SYCE2: variants seen among roughly 807,000 people sequenced by gnomAD.
SYCE2 encodes central element synaptonemal complex 1.
A neutral mutation model predicts 27.9 loss-of-function variants in SYCE2; 3 were observed. That is an observed-to-expected ratio of 0.11 (90% confidence interval 0.05 to 0.28). SYCE2 has a LOEUF of 0.28. SYCE2 is among the 10% of genes least tolerant of loss of function. The pLI, the probability that SYCE2 is intolerant of heterozygous loss-of-function variation, is 1.00. For synonymous variants in SYCE2, 85 were observed against 100.7 expected, an observed-to-expected ratio of 0.84 and a Z score of 0.93; for missense variants, 207 against 263.5, an observed-to-expected ratio of 0.79 and a Z score of 1.48.
intron 2 of SYCE2, among the ~76,000 whole-genome samples, chr19:12,910,375 TCTCA>T (rs1051048607): frequency 3.3e-5 from 5 of 152,034 alleles, no homozygotes; most frequent in East Asian, 1.9e-4. Flanking sequence ...TGAGACAGAC[TCTCA>T]CTCGGTCGCT....
chr19:12,905,354 C>T lies in SYCE2; in HGVS notation c.132-688G>A, dbSNP rs183443076. Among the ~76,000 whole-genome samples the T allele has an allele frequency of 4.6e-5, 7 of 151,590 alleles. No homozygotes were observed. In the South Asian group the frequency reaches 8.3e-4, roughly 18 times the overall value. On this transcript the variant is annotated intron_variant, in intron 2 of 5. Coordinates refer to ENST00000293695, the MANE Select transcript of SYCE2 (RefSeq NM_001105578.2). The stretch of plus-strand genomic sequence containing the variant: ...TGCTTTCTTTCTTTTTTTTTTGAGA[C>T]GGAGTCTCACTCTGTCGCCCAGGCT...
intron 2 of SYCE2, among the ~76,000 whole-genome samples, chr19:12,907,346 A>T (rs1251325988): frequency 6.6e-6 from 1 of 152,138 alleles, no homozygotes; most frequent in Non-Finnish European, 1.5e-5. Flanking sequence ...TAAGGCACTC[A>T]GGCGCCACTC....
intron 2 of SYCE2, among the ~76,000 whole-genome samples, chr19:12,909,857 T>C (rs1295198390): frequency 1.3e-5 from 2 of 151,882 alleles, no homozygotes; most frequent in African/African-American, 2.4e-5. Flanking sequence ...TGAACCACTG[T>C]GCCCAGCCTT....
chr19:12,900,197 AG>A, intron 4 of SYCE2, 77 bp from the exon 5 acceptor site: 1 of 1,495,976 alleles, frequency 6.7e-7, no homozygotes, highest in Non-Finnish European at 9.0e-7. Flanking sequence ...TCTGAGTGGC[AG>A]GGGTGCAAGG....
At chr19:12,905,752 C>T (rs1192273559) in intron 2 of SYCE2, among the ~76,000 whole-genome samples, 6 of 152,190 alleles carry the variant, frequency 3.9e-5, no homozygotes, top group Admixed American at 1.3e-4. Context: ...ATCCTCCCAC[C>T]TCAGCCTCCT....
At chr19:12,913,008 T>C (rs1473898383) in intron 2 of SYCE2, among the ~76,000 whole-genome samples, 3 of 152,220 alleles carry the variant, frequency 2.0e-5, no homozygotes, top group Non-Finnish European at 4.4e-5. Flanking sequence ...ACAAACAAAA[T>C]GCGTGGTGTC....
rs373632930 is a variant in SYCE2 at position 12,899,746 on chromosome 19, C to A, written c.612+258G>T. The stretch of plus-strand genomic sequence containing the variant: ...AAAGAAGATGGAATTCTCTGTAGAG[C>A]GTCTCAATCCACTTTTAACCATGGA... On this transcript the variant is annotated intron_variant, in intron 5 of 5. Transcript: ENST00000293695. 1.6e-5 allele frequency: 25 copies of A among 1,610,362 alleles called. No homozygotes were observed. In the African/African-American group the frequency reaches 1.9e-4, roughly 12 times the overall value.
Position 12,903,394 on chromosome 19 carries a change from T to C in SYCE2, c.306+1098A>G, listed in dbSNP as rs1333128885. On this transcript the variant is annotated intron_variant, in intron 3 of 5. Transcript: ENST00000293695. ...GCCTGAGCCACCACGCCCGGCCCTC[T>C]TCTTTTTTTTTTTTTGAGACGGAGT... 3.0e-5 allele frequency among the ~76,000 whole-genome samples: 4 copies of C among 131,608 alleles called. No individual in the cohort carries two copies. The East Asian group carries it at 9.4e-4, about 31-fold the overall frequency. 86.3% of individuals were successfully genotyped at this position (131,608 alleles called of 152,430 possible). A position where few individuals can be genotyped will look rare whatever the true frequency, so the allele number is the denominator to read the frequency against.
chr19:12,901,465 A>G (rs1907967541), intron 3 of SYCE2, among the ~76,000 whole-genome samples: 1 of 151,096 alleles, frequency 6.6e-6, no homozygotes, highest in East Asian at 2.0e-4. Context: ...ACTTGAGCCC[A>G]GGAGTTGGAG....
In SYCE2 at chr19:12,900,469, G is replaced by C. The variant is rs1970812383; in HGVS notation, c.486C>G (p.Leu162=). The C allele has an allele frequency of 6.2e-7, 1 of 1,613,292 alleles. No homozygotes were observed. The highest frequency in any genetic ancestry group is 1.1e-5 in the South Asian group (1 of 91,014). Residue 162 remains leucine (L), a synonymous_variant, in exon 4 of 6, where the codon CTC becomes CTG. Transcript: ENST00000293695. ...SVETVYKDLC[L]QPEQSLRLRW... Reference sequence around the variant, plus strand: ...GTGAGTTTACTCATACCTCAGGCTGGAGACACAGGTCTTTGTACACAGTCT... The same window carrying C: ...GTGAGTTTACTCATACCTCAGGCTGCAGACACAGGTCTTTGTACACAGTCT...
At chr19:12,917,756 T>C (rs1599644822) in intron 2 of SYCE2, among the ~76,000 whole-genome samples, 1 of 140,578 alleles carries the variant, frequency 7.1e-6, no homozygotes, top group South Asian at 2.3e-4. Flanking sequence ...ACCTCCTGGG[T>C]TCAAGCGATT....
chr19:12,917,676 T>TTTTTTTTTTTTG (rs1971161330), intron 2 of SYCE2, among the ~76,000 whole-genome samples: 1 of 146,696 alleles, frequency 6.8e-6, no homozygotes, highest in Admixed American at 6.8e-5. Context: ...TTTTTTTTTT[T>TTTTTTTTTTTTG]GAGACAGCGT....
intron 2 of SYCE2, among the ~76,000 whole-genome samples, chr19:12,907,465 T>G (rs1202570407): frequency 6.6e-6 from 1 of 152,196 alleles, no homozygotes; most frequent in Non-Finnish European, 1.5e-5. Flanking sequence ...AGGTCACACT[T>G]GTGTCCACAA....
chr19:12,899,672 T>C, intron 5 of SYCE2: 1 of 1,612,374 alleles, frequency 6.2e-7, no homozygotes, highest in South Asian at 1.1e-5. Context: ...GACACTGATT[T>C]TTAAATATCA....
chr19:12,905,762 TGAATAGGTGG>T (rs1970922767), intron 2 of SYCE2, among the ~76,000 whole-genome samples: 2 of 152,156 alleles, frequency 1.3e-5, no homozygotes, highest in Non-Finnish European at 2.9e-5. Context: ...CTCAGCCTCC[TGAATAGGTGG>T]GACTACAAGC....
chr19:12,916,750 C>T (rs1971145523), intron 2 of SYCE2, among the ~76,000 whole-genome samples: 2 of 152,082 alleles, frequency 1.3e-5, no homozygotes, highest in African/African-American at 2.4e-5. Context: ...TGTGTGCAAC[C>T]GCACCACACC....
intron 3 of SYCE2, among the ~76,000 whole-genome samples, chr19:12,903,988 G>A (rs1475340814): frequency 6.6e-6 from 1 of 152,178 alleles, no homozygotes; most frequent in Non-Finnish European, 1.5e-5. Flanking sequence ...TAAGCCCTGG[G>A]CATGTGGAAG....
intron 2 of SYCE2, among the ~76,000 whole-genome samples, chr19:12,913,381 C>G (rs915440189): frequency 7.2e-5 from 11 of 152,176 alleles, no homozygotes; most frequent in African/African-American, 2.7e-4. Flanking sequence ...GCCCTCCCTC[C>G]GTGGCCTCTA....
At chr19:12,904,816 G>T in intron 2 of SYCE2, 150 bp from the exon 3 acceptor site, 1 of 833,896 alleles carries the variant, frequency 1.2e-6, no homozygotes. Context: ...CTGGCAACAT[G>T]GTGAAACCTC....
Sources: gnomAD v4.1 joint callset for allele counts (sites outside exome capture counted in the v4.1 genomes callset) on GRCh38, gnomAD v4.1.1 for gene constraint, MANE v1.5 for transcripts, NCBI Gene and HGNC (gene_info 2026-07-23, HGNC 2026-07-21) for gene names.